The following SPATA21 variants were observed in gnomAD, a reference collection of about 807,000 sequenced individuals.
SPATA21 encodes the protein spermatogenesis associated 21, also known as spermatogenesis-associated protein 21.
A neutral mutation model predicts 54.8 loss-of-function variants in SPATA21; 47 were observed. The ratio of observed to expected loss-of-function variants is 0.86; its 90% CI spans 0.68 to 1.09. The LOEUF is 1.09. SPATA21 is among the 50% of genes least tolerant of loss of function. SPATA21 has a pLI of 0.00. For missense variants in SPATA21, 599 were observed against 596.4 expected, an observed-to-expected ratio of 1.00 and a Z score of -0.05; for synonymous variants, 245 against 235.3, an observed-to-expected ratio of 1.04 and a Z score of -0.38.
At chr1:16,435,040 T>C (rs2086551302) in intron 1 of SPATA21, among the ~76,000 whole-genome samples, 1 of 151,968 alleles carries the variant, frequency 6.6e-6, no homozygotes, top group African/African-American at 2.4e-5. Flanking sequence ...AAATATTTTG[T>C]AGATGGGAAT....
In SPATA21 at chr1:16,398,827, G is replaced by A. The variant is rs767911412; in HGVS notation, c.1353-5C>T. 18 of 1,612,872 alleles carry A rather than the reference G, an allele frequency of 1.1e-5. No individual in the cohort carries two copies. The highest frequency in any genetic ancestry group is 1.5e-5 in the Non-Finnish European group (18 of 1,179,450). ...CTGCTGTCAGAGTTGTGTTCCCTGG[G>A]GAGAGGAGTAGGGCAGAAGGGTGGG... On this transcript the variant is annotated splice_region_variant and splice_polypyrimidine_tract_variant and intron_variant, in intron 12 of 12. Coordinates refer to ENST00000335496, the MANE Select transcript of SPATA21 (RefSeq NM_198546.1).
At chr1:16,423,929 C>T (rs116841359) in intron 3 of SPATA21, among the ~76,000 whole-genome samples, 171 of 151,638 alleles carry the variant, frequency 1.1e-3, no homozygotes, top group Admixed American at 2.1e-3. Context: ...TAAAATTCCA[C>T]GAAATACAAA....
rs763660478 is a variant in SPATA21 at position 16,409,111 on chromosome 1, C to G, written c.673+7G>C. 1.1e-5 allele frequency: 18 copies of G among 1,613,896 alleles called. No individual in the cohort carries two copies. The Admixed American group carries it at 1.5e-4, about 13-fold the overall frequency. ...TGCTGGGACCTCCCTGACCTCCCTG[C>G]CCTCACCTTCCTCTTGCTTCAGGGT... On this transcript the variant is annotated splice_region_variant and intron_variant, in intron 7 of 12. Transcript: ENST00000335496. This position sits in a 1 kb window ranked among gnomAD's most constrained non-coding sequence, Gnocchi z 4.1.
chr1:16,424,235 C>G (rs1487191945), intron 3 of SPATA21, among the ~76,000 whole-genome samples: 9 of 116,998 alleles, frequency 7.7e-5, no homozygotes, highest in East Asian at 2.4e-4. Context: ...ATGGCATGAA[C>G]CTGGGAGGCA....
intron 5 of SPATA21, among the ~76,000 whole-genome samples, chr1:16,415,960 C>T (rs1057262916): frequency 3.3e-5 from 5 of 152,170 alleles, no homozygotes; most frequent in Non-Finnish European, 5.9e-5. Flanking sequence ...TCTTTCCCTC[C>T]AGCTTCTCCA....
At chr1:16,417,379 C>T (rs532586175) in intron 5 of SPATA21, among the ~76,000 whole-genome samples, 14 of 152,102 alleles carry the variant, frequency 9.2e-5, no homozygotes, top group African/African-American at 3.4e-4. Flanking sequence ...CTGCCTCAGC[C>T]TCCCAAGTAG....
At chr1:16,436,386 CAAA>C (rs59926630) in intron 1 of SPATA21, among the ~76,000 whole-genome samples, 86 of 84,522 alleles carry the variant, frequency 1.0e-3, no homozygotes, top group African/African-American at 3.1e-3. Flanking sequence ...GACTCTGTCT[CAAA>C]AAAAAAAAAA....
In SPATA21 at chr1:16,409,612, G is replaced by C. The variant is rs376499162; in HGVS notation, c.576C>G (p.Tyr192Ter). ...GCGGGGGCTCCTACCGCGCCTTGGC[G>C]TAGCTCAGGGTTCTCTCGCTGCTCT... is the stretch of plus-strand genomic sequence containing the variant. Reference protein sequence around the residue: ...LHQSSERTLSYAKARQEPEEQ... With the variant: ...LHQSSERTLS The change falls in exon 6 of 13, where the codon TAC becomes TAG. Residue 192 changes from tyrosine to a stop codon, truncating the protein, a stop_gained. Coordinates refer to ENST00000335496, the MANE Select transcript of SPATA21 (RefSeq NM_198546.1). LOFTEE classifies it high-confidence loss of function. The surrounding 1 kb of genome is among the most constrained non-coding windows in gnomAD (Gnocchi z 4.1). The C allele has an allele frequency of 6.2e-7, 1 of 1,611,372 alleles. No individual in the cohort carries two copies. The highest frequency in any genetic ancestry group is 1.3e-5 in the African/African-American group (1 of 74,898).
chr1:16,402,504 G>A lies in SPATA21; in HGVS notation c.1001+1223C>T, dbSNP rs189500334. The stretch of plus-strand genomic sequence containing the variant: ...TCTCGATCTCCTGACCTTGTGATCC[G>A]CCCACCGCGGCCTCCCAAAGTGCTG... On this transcript the variant is annotated intron_variant, in intron 10 of 12. Coordinates refer to ENST00000335496, the MANE Select transcript of SPATA21 (RefSeq NM_198546.1). Among the ~76,000 whole-genome samples, 953 of 151,168 alleles carry A rather than the reference G, an allele frequency of 6.3e-3. 8 individuals carry two copies. The highest frequency in any genetic ancestry group is 8.4e-3 in the Non-Finnish European group (569 of 67,780).
chr1:16,424,865 C>G (rs370809833), intron 3 of SPATA21: 39 of 262,760 alleles, frequency 1.5e-4, no homozygotes, highest in African/African-American at 3.7e-4. Flanking sequence ...CTCCCTCCCC[C>G]CTGCACCCAT....
chr1:16,432,445 C>T (rs1320470203), intron 2 of SPATA21, among the ~76,000 whole-genome samples: 1 of 151,910 alleles, frequency 6.6e-6, no homozygotes. Flanking sequence ...TTCATCTCTC[C>T]TCCACCTCTT....
rs2086465310 is a variant in SPATA21 at position 16,431,815 on chromosome 1, A to T, written c.-51-393T>A. On this transcript the variant is annotated intron_variant, in intron 2 of 12. Transcript: ENST00000335496. Reference sequence around the variant, plus strand: ...ATGCTCCAAGGGGTTCCAAGGCTAAATGCCTTTGGAAAGTGCTGTGATGAG... The same window carrying T: ...ATGCTCCAAGGGGTTCCAAGGCTAATTGCCTTTGGAAAGTGCTGTGATGAG... Among the ~76,000 whole-genome samples, 5 of 152,218 alleles carry T rather than the reference A, an allele frequency of 3.3e-5. No homozygotes were observed. In the South Asian group the frequency reaches 1.0e-3, roughly 32 times the overall value.
rs1344488217 is a variant in SPATA21 at position 16,424,218 on chromosome 1, C to CGGGCGGATCACG, written c.35-2248_35-2247insCGTGATCCGCCC. Among the ~76,000 whole-genome samples the CGGGCGGATCACG allele has an allele frequency of 3.2e-3, 342 of 106,474 alleles. 10 individuals are homozygous for CGGGCGGATCACG. The highest frequency in any genetic ancestry group is 5.3e-3 in the East Asian group (20 of 3,796). The allele number at this position is 106,474 out of a possible 152,430, so 69.9% of individuals were successfully genotyped here. A position where few individuals can be genotyped will look rare whatever the true frequency, so the allele number is the denominator to read the frequency against. ...ATCCCAGCACTTTGGGAGGCTGAGG[C>CGGGCGGATCACG]AGGAGAATGGCATGAACCTGGGAGG... On this transcript the variant is annotated intron_variant, in intron 3 of 12. Coordinates refer to ENST00000335496, the MANE Select transcript of SPATA21 (RefSeq NM_198546.1).
intron 7 of SPATA21, among the ~76,000 whole-genome samples, 173 bp from the exon 8 acceptor site, chr1:16,405,277 A>C (rs1482545549): frequency 6.6e-6 from 1 of 152,052 alleles, no homozygotes; most frequent in Non-Finnish European, 1.5e-5. Context: ...TGAGGCAGGC[A>C]GATCACCTGA....
chr1:16,413,324 C>T (rs1442310912), intron 5 of SPATA21, among the ~76,000 whole-genome samples: 1 of 152,196 alleles, frequency 6.6e-6, no homozygotes, highest in East Asian at 1.9e-4. Flanking sequence ...AAAGCTCATC[C>T]ATGTGGCAGC....
At chr1:16,425,993 C>T (rs1340293311) in intron 3 of SPATA21, among the ~76,000 whole-genome samples, 5 of 152,090 alleles carry the variant, frequency 3.3e-5, no homozygotes, top group Non-Finnish European at 7.3e-5. Flanking sequence ...AAGCAATCTT[C>T]GACCTCGGCC....
chr1:16,400,768 C>T lies in SPATA21; in HGVS notation c.1126G>A (p.Glu376Lys). Residue 376 changes from glutamate to lysine, a missense_variant, in exon 11 of 13, where the codon GAA becomes AAA. Physicochemically the swap from Glu to Lys is moderately conservative, Grantham distance 56. Coordinates refer to ENST00000335496, the MANE Select transcript of SPATA21 (RefSeq NM_198546.1). ...CTCAGGATACTGAGGACCTTTCGTTCTGGAACTTCTGAGCTCTCTTCTTGC... is the reference window on the plus strand; with the variant it reads ...CTCAGGATACTGAGGACCTTTCGTTTTGGAACTTCTGAGCTCTCTTCTTGC... ...PQQEESSEVP[E>K]RKVLSILSRL... 6.2e-7 allele frequency: 1 copy of T among 1,613,174 alleles called. No individual in the cohort carries two copies. The highest frequency in any genetic ancestry group is 8.5e-7 in the Non-Finnish European group (1 of 1,179,678).
At chr1:16,426,362 A>G (rs140943464) in intron 3 of SPATA21, among the ~76,000 whole-genome samples, 2,431 of 151,520 alleles carry the variant, frequency 0.016, 77 homozygotes, top group African/African-American at 0.056. Flanking sequence ...GGGCTCAAGC[A>G]ATCCTCCCGC....
At position 16,410,031 on chromosome 1, in the gene SPATA21, T is replaced by G. The variant is rs12087671; in HGVS notation, c.157A>C (p.Ile53Leu). ...CGGTCTGGCTCCCGCCTCTCTCCAA[T>G]GTCCCTCACCTCCTGGGGACAGGGG... ...GPLPPPEVRD[I>L]GERREPDRAQ... The change falls in exon 6 of 13, where the codon ATT (isoleucine) becomes CTT (leucine). Residue 53 changes from isoleucine (I) to leucine (L), a missense_variant. Coordinates refer to ENST00000335496, the MANE Select transcript of SPATA21 (RefSeq NM_198546.1). 3,319 of 1,565,394 alleles carry G rather than the reference T, an allele frequency of 2.1e-3. 43 individuals carry two copies. In the African/African-American group the frequency reaches 0.032, roughly 15 times the overall value.
Sources: gnomAD v4.1 joint callset for allele counts (sites outside exome capture counted in the v4.1 genomes callset) on GRCh38, gnomAD v4.1.1 for gene constraint, Gnocchi (gnomAD v3.1) non-coding constraint, MANE v1.5 for transcripts, NCBI Gene and HGNC (gene_info 2026-07-23, HGNC 2026-07-21) for gene names.